MCC: variants seen among roughly 807,000 people sequenced by gnomAD.
The protein encoded by MCC is MCC regulator of Wnt signaling pathway.
Under a neutral mutation model 116.2 loss-of-function variants are expected in MCC, and 90 were observed. The observed-to-expected ratio is 0.77, with a 90% CI of 0.65 to 0.92. The LOEUF is 0.92. MCC is among the 40% of genes least tolerant of loss of function. The pLI is 0.00. For missense variants in MCC, 1,516 were observed against 1,312.2 expected (o/e 1.16, Z -2.40); for synonymous variants, 578 against 510.5 (o/e 1.13, Z -1.78).
At chr5:113,363,292 A>C (rs1194508217) in intron 2 of MCC, among the ~76,000 whole-genome samples, 2 of 152,204 alleles carry the variant, frequency 1.3e-5, no homozygotes, top group African/African-American at 2.4e-5. Flanking sequence ...CAAAAACAAA[A>C]AAACAAACAA....
At chr5:113,301,987 T>A (rs2150365016) in intron 3 of MCC, among the ~76,000 whole-genome samples, 1 of 152,310 alleles carries the variant, frequency 6.6e-6, no homozygotes, top group Non-Finnish European at 1.5e-5. Flanking sequence ...AATCTATGTC[T>A]TCACAAGCTT....
intron 3 of MCC, among the ~76,000 whole-genome samples, chr5:113,258,598 C>G (rs1765106913): frequency 1.3e-5 from 2 of 152,224 alleles, no homozygotes; most frequent in South Asian, 4.1e-4. Context: ...AGTTTCATCC[C>G]AATACCATCC....
chr5:113,329,171 C>A (rs1767635357), intron 3 of MCC, among the ~76,000 whole-genome samples: 1 of 152,150 alleles, frequency 6.6e-6, no homozygotes, highest in African/African-American at 2.4e-5. Flanking sequence ...ACAAGTGACA[C>A]AATATGTAGT....
At chr5:113,099,202 G>A (rs1756241362) in intron 8 of MCC, among the ~76,000 whole-genome samples, 1 of 152,178 alleles carries the variant, frequency 6.6e-6, no homozygotes, top group Non-Finnish European at 1.5e-5. Flanking sequence ...CTCTAGTTGA[G>A]GAAGAGATAA....
At chr5:113,055,701 A>C (rs1752787860) in intron 14 of MCC, among the ~76,000 whole-genome samples, 1 of 152,226 alleles carries the variant, frequency 6.6e-6, no homozygotes, top group Admixed American at 6.5e-5. Context: ...GGCTATGCCC[A>C]GTAAGTTCCC....
intron 3 of MCC, among the ~76,000 whole-genome samples, chr5:113,227,368 T>C (rs1461189964): frequency 2.0e-5 from 3 of 152,214 alleles, no homozygotes; most frequent in Non-Finnish European, 4.4e-5. Context: ...TTAGGCACTA[T>C]AAGAAGTATA....
At chr5:113,086,202 T>C (rs1326449586) in intron 8 of MCC, among the ~76,000 whole-genome samples, 1 of 152,192 alleles carries the variant, frequency 6.6e-6, no homozygotes, top group East Asian at 1.9e-4. Context: ...GGGAAGAATA[T>C]AACTCCAGCT....
At chr5:113,455,472 G>A (rs1771517861) in intron 1 of MCC, among the ~76,000 whole-genome samples, 1 of 152,146 alleles carries the variant, frequency 6.6e-6, no homozygotes, top group Non-Finnish European at 1.5e-5. Flanking sequence ...TCAGGGGTCT[G>A]TAACAACTAA....
In MCC at chr5:113,333,787, A is replaced by T. The variant is rs904493717; in HGVS notation, c.627+6732T>A. 4.4e-5 allele frequency among the ~76,000 whole-genome samples: 5 copies of T among 113,504 alleles called. No homozygotes were observed. In the South Asian group the frequency reaches 1.3e-3, roughly 30 times the overall value. 74.5% of individuals were successfully genotyped at this position (113,504 alleles called of 152,430 possible). On this transcript the variant is annotated intron_variant, in intron 3 of 18. Transcript: ENST00000408903. Reference sequence around the variant, plus strand: ...AACAAAATGTCTTTGCTTCATATATATTTATATATATATGTATATATGTAT... The same window carrying T: ...AACAAAATGTCTTTGCTTCATATATTTTTATATATATATGTATATATGTAT...
intron 5 of MCC, among the ~76,000 whole-genome samples, chr5:113,136,046 AAAAT>A (rs937933332): frequency 1.3e-5 from 2 of 152,166 alleles, no homozygotes; most frequent in African/African-American, 4.8e-5. Context: ...CTCTGTCTCA[AAAAT>A]AAATAAATAA....
At chr5:113,466,931 C>T (rs1218821782) in intron 1 of MCC, among the ~76,000 whole-genome samples, 2 of 152,196 alleles carry the variant, frequency 1.3e-5, no homozygotes, top group African/African-American at 4.8e-5. Context: ...TCTCTGATGG[C>T]CAGTGATGAT....
chr5:113,049,150 C>T lies in MCC; in HGVS notation c.2598G>A (p.Glu866=), dbSNP rs1346519011. Reference sequence around the variant, plus strand: ...TGGAGCTGAGGGATCGCATCCGCTGCTCCTTCTGCTCCTCCACCTCGGACT... The same window carrying T: ...TGGAGCTGAGGGATCGCATCCGCTGTTCCTTCTGCTCCTCCACCTCGGACT... ...HLKSEVEEQK[E]QRMRSLSSTS... The change falls in exon 16 of 19, where the codon GAG becomes GAA. Residue 866 remains glutamate, a synonymous_variant. Transcript: ENST00000408903. 1 of 1,614,242 alleles carries T rather than the reference C, an allele frequency of 6.2e-7. No individual in the cohort carries two copies. Among genetic ancestry groups the T allele is most frequent in the Non-Finnish European group, 8.5e-7 (1 of 1,180,038 alleles).
At chr5:113,287,009 T>C (rs978018426) in intron 3 of MCC, among the ~76,000 whole-genome samples, 2 of 148,322 alleles carry the variant, frequency 1.3e-5, no homozygotes, top group African/African-American at 5.1e-5. Flanking sequence ...GTAATCCACA[T>C]TACTTGCTTT....
chr5:113,137,679 C>T (rs1758922133), intron 5 of MCC, among the ~76,000 whole-genome samples: 1 of 151,888 alleles, frequency 6.6e-6, no homozygotes, highest in African/African-American at 2.4e-5. Context: ...TTGTTATGCC[C>T]CTGTCTGCGT....
rs973532910 is a variant in MCC at position 113,048,959 on chromosome 5, C to T, written c.2655+134G>A. 4 of 785,446 alleles carry T rather than the reference C, an allele frequency of 5.1e-6. No homozygotes were observed. In the African/African-American group the frequency reaches 6.8e-5, roughly 13 times the overall value. 48.7% of individuals were successfully genotyped at this position (785,446 alleles called of 1,614,324 possible). Reference sequence around the variant, plus strand: ...CTCAAAATGTCACCTTCTTAGATACCTACGAATGGCCTGCATTTCCTATGC... The same window carrying T: ...CTCAAAATGTCACCTTCTTAGATACTTACGAATGGCCTGCATTTCCTATGC... On this transcript the variant is annotated intron_variant, in intron 16 of 18. Coordinates refer to ENST00000408903, the MANE Select transcript of MCC (RefSeq NM_001085377.2).
chr5:113,261,977 A>G (rs1027982656), intron 3 of MCC, among the ~76,000 whole-genome samples: 1 of 152,202 alleles, frequency 6.6e-6, no homozygotes, highest in South Asian at 2.1e-4. Flanking sequence ...CCAATAGTCT[A>G]TGTGTCTATC....
chr5:113,056,042 G>A (rs914986023), intron 14 of MCC, among the ~76,000 whole-genome samples: 2 of 152,124 alleles, frequency 1.3e-5, no homozygotes, highest in African/African-American at 4.8e-5. Context: ...CACTGTTTGC[G>A]ATTTACTAGA....
chr5:113,179,001 C>CA lies in MCC; in HGVS notation c.628-27580dup, dbSNP rs554709531. Among the ~76,000 whole-genome samples, 14 of 152,232 alleles carry CA rather than the reference C, an allele frequency of 9.2e-5. No individual in the cohort carries two copies. In the East Asian group the frequency reaches 2.5e-3, roughly 27 times the overall value. On this transcript the variant is annotated intron_variant, in intron 3 of 18. Transcript: ENST00000408903. The stretch of plus-strand genomic sequence containing the variant: ...CAGCAGAGCTTAAACAAAAGAAGAG[C>CA]AAAAATGATCCAGAAGTCATAATTT...
intron 1 of MCC, among the ~76,000 whole-genome samples, chr5:113,472,297 C>T (rs1772116722): frequency 6.6e-6 from 1 of 152,234 alleles, no homozygotes; most frequent in African/African-American, 2.4e-5. Context: ...ATTCGGCCAT[C>T]TTCTGTGTGG....
Sources: gnomAD v4.1 joint callset for allele counts (sites outside exome capture counted in the v4.1 genomes callset) on GRCh38, gnomAD v4.1.1 for gene constraint, MANE v1.5 for transcripts, NCBI Gene and HGNC (gene_info 2026-07-23, HGNC 2026-07-21) for gene names.